The following XRCC4 variants were observed in gnomAD, a reference collection of about 807,000 sequenced individuals.
XRCC4 encodes DNA repair protein XRCC4.
A neutral mutation model predicts 39.1 loss-of-function variants in XRCC4; 28 were observed. The ratio of observed to expected loss-of-function variants is 0.72; its 90% CI spans 0.53 to 0.98. The LOEUF (loss-of-function observed/expected upper bound fraction) is 0.98, where lower values mean the gene tolerates loss of function less well. Among genes scored for constraint, XRCC4 ranks in the 50% least tolerant of loss-of-function variants. The probability of loss-of-function intolerance (pLI) is 0.00; values close to 1 mark genes in which losing one functional copy is unlikely to be tolerated. For synonymous variants in XRCC4, 123 were observed against 126.4 expected (o/e 0.97, Z 0.18); for missense variants, 350 against 376.4 (o/e 0.93, Z 0.58).
At chr5:83,120,658 T>G (rs191922352) in intron 3 of XRCC4, among the ~76,000 whole-genome samples, 2 of 152,350 alleles carry the variant, frequency 1.3e-5, no homozygotes, top group East Asian at 3.9e-4. Flanking sequence ...TTCCATTGTA[T>G]TGATATACCA....
At chr5:83,290,288 C>CAT (rs1431103201) in intron 7 of XRCC4, among the ~76,000 whole-genome samples, 1 of 151,398 alleles carries the variant, frequency 6.6e-6, no homozygotes. Flanking sequence ...TTATTTAATC[C>CAT]ATAAATAAAT....
intron 3 of XRCC4, among the ~76,000 whole-genome samples, chr5:83,131,413 G>T (rs2112480908): frequency 6.6e-6 from 1 of 152,250 alleles, no homozygotes; most frequent in Middle Eastern, 3.4e-3. Flanking sequence ...GCAGAGCTGA[G>T]TTCAATTCCT....
intron 7 of XRCC4, among the ~76,000 whole-genome samples, chr5:83,322,472 A>G (rs1440306693): frequency 6.6e-6 from 1 of 152,140 alleles, no homozygotes; most frequent in Non-Finnish European, 1.5e-5. Context: ...TGGGTGTGAT[A>G]GGCTGAATAA....
In XRCC4 at chr5:83,147,270, A is replaced by C. The variant is rs138680736; in HGVS notation, c.315+36067A>C. Among the ~76,000 whole-genome samples the C allele has an allele frequency of 1.5e-4, 23 of 152,304 alleles. 1 individual carries two copies. The East Asian group carries it at 4.4e-3, about 29-fold the overall frequency. On this transcript the variant is annotated intron_variant, in intron 3 of 7. Transcript: ENST00000396027. ...GAGGCTTTGTCTCTAAGAAACAAAC[A>C]AAAACTCCATACACACAGGAAAGAA...
chr5:83,179,282 C>T (rs7708638), intron 3 of XRCC4, among the ~76,000 whole-genome samples: 36 of 152,146 alleles, frequency 2.4e-4, no homozygotes, highest in African/African-American at 8.2e-4. Flanking sequence ...AGAGTCAGAG[C>T]GAATGCTATC....
intron 7 of XRCC4, among the ~76,000 whole-genome samples, chr5:83,348,836 T>C (rs1366004203): frequency 2.0e-5 from 3 of 152,232 alleles, no homozygotes; most frequent in Non-Finnish European, 4.4e-5. Context: ...GTCATTTCTT[T>C]GTTCATACAG....
chr5:83,121,247 T>A (rs940700860), intron 3 of XRCC4, among the ~76,000 whole-genome samples: 1 of 152,204 alleles, frequency 6.6e-6, no homozygotes, highest in African/African-American at 2.4e-5. Context: ...AAAGCTGCTA[T>A]GAACATTTAA....
chr5:83,135,267 T>C (rs1038796761), intron 3 of XRCC4, among the ~76,000 whole-genome samples: 3 of 152,128 alleles, frequency 2.0e-5, no homozygotes, highest in South Asian at 2.1e-4. Context: ...GGTACCTCCA[T>C]TGGAAATGCA....
intron 3 of XRCC4, among the ~76,000 whole-genome samples, chr5:83,179,760 A>C (rs187146505): frequency 1.1e-3 from 175 of 152,280 alleles, no homozygotes; most frequent in African/African-American, 4.1e-3. Flanking sequence ...AGCTCTGGCC[A>C]GGGGACTCAT....
intron 1 of XRCC4, among the ~76,000 whole-genome samples, chr5:83,087,363 A>G (rs922905953): frequency 1.3e-5 from 2 of 151,814 alleles, no homozygotes; most frequent in Non-Finnish European, 2.9e-5. Flanking sequence ...CAACAGCCCT[A>G]TAAAATTTGT....
Position 83,154,944 on chromosome 5 carries a change from G to A in XRCC4, c.316-40826G>A, listed in dbSNP as rs186363716. Among the ~76,000 whole-genome samples the A allele has an allele frequency of 3.3e-5, 5 of 152,244 alleles. No homozygotes were observed. In the East Asian group the frequency reaches 9.7e-4, roughly 29 times the overall value. On this transcript the variant is annotated intron_variant, in intron 3 of 7. Transcript: ENST00000396027. Reference sequence around the variant, plus strand: ...TTTTATATCCAACTACACTGGTATGGCTTTTAGTTTCTCTGCAGAAATCAC... The same window carrying A: ...TTTTATATCCAACTACACTGGTATGACTTTTAGTTTCTCTGCAGAAATCAC...
intron 6 of XRCC4, among the ~76,000 whole-genome samples, chr5:83,233,969 T>C (rs1752594936): frequency 1.3e-5 from 2 of 151,866 alleles, no homozygotes; most frequent in African/African-American, 4.8e-5. Flanking sequence ...AGCACAGTTA[T>C]TTACAGCACT....
chr5:83,185,412 AAAGT>A (rs1008705731), intron 3 of XRCC4, among the ~76,000 whole-genome samples: 2 of 131,332 alleles, frequency 1.5e-5, no homozygotes, highest in Non-Finnish European at 3.2e-5. Flanking sequence ...ATATACAAAA[AAAGT>A]ATGTATTATA....
chr5:83,204,139 T>C (rs1477866632), intron 5 of XRCC4, among the ~76,000 whole-genome samples: 3 of 152,134 alleles, frequency 2.0e-5, no homozygotes, highest in Admixed American at 2.0e-4. Flanking sequence ...TGATTATCAG[T>C]TTTATTCTTC....
intron 1 of XRCC4, among the ~76,000 whole-genome samples, chr5:83,093,266 A>C (rs1240169197): frequency 2.0e-5 from 3 of 152,220 alleles, no homozygotes; most frequent in Non-Finnish European, 2.9e-5. Context: ...AGAGGCTATA[A>C]CAATTATAAA....
intron 3 of XRCC4, among the ~76,000 whole-genome samples, chr5:83,165,440 G>A (rs1289712245): frequency 6.6e-6 from 1 of 152,080 alleles, no homozygotes; most frequent in East Asian, 1.9e-4. Flanking sequence ...AATTACTGAG[G>A]AGAATGATAA....
intron 3 of XRCC4, among the ~76,000 whole-genome samples, chr5:83,168,399 A>G (rs1749580861): frequency 6.6e-6 from 1 of 152,160 alleles, no homozygotes; most frequent in South Asian, 2.1e-4. Flanking sequence ...TCAATTACAA[A>G]TTGAAATTCA....
At chr5:83,316,714 T>G (rs1421331122) in intron 7 of XRCC4, among the ~76,000 whole-genome samples, 3 of 119,274 alleles carry the variant, frequency 2.5e-5, no homozygotes, top group Non-Finnish European at 5.2e-5. Context: ...AAGTCCTGAG[T>G]GACCTACAAA....
intron 3 of XRCC4, among the ~76,000 whole-genome samples, chr5:83,154,641 T>C (rs1480089654): frequency 6.6e-6 from 1 of 152,210 alleles, no homozygotes; most frequent in Admixed American, 6.5e-5. Context: ...TTTGGCTTTC[T>C]TTGTCTTTAG....
Sources: allele counts gnomAD v4.1 joint callset (sites outside exome capture counted in the v4.1 genomes callset), GRCh38; gene constraint gnomAD v4.1.1; transcripts MANE v1.5; gene names NCBI Gene and HGNC (gene_info 2026-07-23, HGNC 2026-07-21).